CFAP206: variants seen among roughly 807,000 people sequenced by gnomAD.
CFAP206 encodes the protein cilia and flagella associated protein 206.
Under a neutral mutation model 65.4 loss-of-function variants are expected in CFAP206, and 53 were observed. The ratio of observed to expected loss-of-function variants is 0.81; its 90% CI spans 0.65 to 1.02. CFAP206 has a LOEUF of 1.02. CFAP206 is among the 50% of genes least tolerant of loss of function. CFAP206 has a pLI of 0.00. For synonymous variants in CFAP206, 250 were observed against 254.4 expected, an observed-to-expected ratio of 0.98 and a Z score of 0.17; for missense variants, 663 against 753.2, an observed-to-expected ratio of 0.88 and a Z score of 1.40.
chr6:87,410,518 T>C (rs1400189516), intron 2 of CFAP206, 67 bp from the exon 3 acceptor site: 2 of 1,153,246 alleles, frequency 1.7e-6, no homozygotes, highest in Non-Finnish European at 1.3e-6. Flanking sequence ...ATTAAGCTAA[T>C]AATATGAAAT....
At chr6:87,428,920 A>G in intron 9 of CFAP206, 96 bp downstream of exon 9, 1 of 1,201,492 alleles carries the variant, frequency 8.3e-7, no homozygotes, top group Non-Finnish European at 1.2e-6. Flanking sequence ...TTTCTGATAA[A>G]GCATTAAACA....
chr6:87,433,172 T>C (rs148538251), intron 10 of CFAP206, among the ~76,000 whole-genome samples: 84 of 152,338 alleles, frequency 5.5e-4, no homozygotes, highest in African/African-American at 1.9e-3. Context: ...TATTCAGCCT[T>C]CCCTAATCAC....
intron 9 of CFAP206, 147 bp downstream of exon 9, chr6:87,428,971 T>TACA: frequency 1.2e-6 from 1 of 834,518 alleles, no homozygotes; most frequent in Non-Finnish European, 1.9e-6. Context: ...CCGGGTGTGG[T>TACA]GGCTCACGCC....
chr6:87,460,064 A>C (rs1231638230), intron 11 of CFAP206, among the ~76,000 whole-genome samples: 1 of 152,198 alleles, frequency 6.6e-6, no homozygotes, highest in African/African-American at 2.4e-5. Flanking sequence ...TCATAAGATA[A>C]TTTTATAGTC....
At chr6:87,429,064 A>G (rs576028047) in intron 9 of CFAP206, among the ~76,000 whole-genome samples, 13 of 152,186 alleles carry the variant, frequency 8.5e-5, no homozygotes, top group Middle Eastern at 3.4e-3. Context: ...CGTCTCTACT[A>G]AAAATACAAA....
chr6:87,455,565 T>A (rs1768623470), intron 11 of CFAP206, among the ~76,000 whole-genome samples: 1 of 152,040 alleles, frequency 6.6e-6, no homozygotes, highest in South Asian at 2.1e-4. Flanking sequence ...GAAAAGGTAC[T>A]TTTTTTAAGA....
Position 87,461,126 on chromosome 6 carries a change from G to A in CFAP206, c.1599G>A (p.Glu533=), listed in dbSNP as rs144348129. The A allele has an allele frequency of 4.8e-4, 765 of 1,579,260 alleles. 1 individual carries two copies. In the African/African-American group the frequency reaches 8.7e-3, roughly 18 times the overall value. Residue 533 remains glutamate (E), a synonymous_variant, in exon 12 of 13, where the codon GAG becomes GAA. Coordinates refer to ENST00000369562, the MANE Select transcript of CFAP206 (RefSeq NM_001031743.3). ...CACCAACGATTGTGAGATCATATGA[G>A]TGGAATGAATGGGAATTAAGAAGAA... ...ILPPTIVRSY[E]WNEWELRRKA... is the part of the protein sequence containing the mutation.
At chr6:87,458,147 C>T (rs926677483) in intron 11 of CFAP206, among the ~76,000 whole-genome samples, 1 of 152,082 alleles carries the variant, frequency 6.6e-6, no homozygotes, top group African/African-American at 2.4e-5. Flanking sequence ...GTTAAAATGG[C>T]TTATATCAAA....
Position 87,435,147 on chromosome 6 carries a change from A to G in CFAP206, c.1494+94A>G, listed in dbSNP as rs187154239. The G allele has an allele frequency of 4.5e-6, 4 of 883,898 alleles. No individual in the cohort carries two copies. In the African/African-American group the frequency reaches 6.8e-5, roughly 15 times the overall value. 54.8% of individuals were successfully genotyped at this position (883,898 alleles called of 1,614,324 possible). ...GTTGTAGAATGCTTCCCAGGTCCAC[A>G]CAGAGAGAGTCAGATGAGGGTCTTT... On this transcript the variant is annotated intron_variant, in intron 11 of 12. Transcript: ENST00000369562.
At position 87,418,412 on chromosome 6, in the gene CFAP206, T is replaced by C; in HGVS notation, c.836T>C (p.Ile279Thr). 1.2e-6 allele frequency: 2 copies of C among 1,613,732 alleles called. No homozygotes were observed. Among genetic ancestry groups the C allele is most frequent in the African/African-American group, 2.7e-5 (2 of 75,032 alleles). ...CAATATGAGGTCTTCCTTCAGATCA[T>C]TTTGGTGAGTTAAGTTCATAAGACC... Reference protein sequence around the residue: ...IRQYEVFLQIILSDIITGAQE... With the variant: ...IRQYEVFLQITLSDIITGAQE... The change falls in exon 7 of 13, where the codon ATT becomes ACT. Residue 279 changes from isoleucine to threonine, a missense_variant. By Grantham distance (89) the Ile-to-Thr change is moderately conservative. Coordinates refer to ENST00000369562, the MANE Select transcript of CFAP206 (RefSeq NM_001031743.3).
intron 6 of CFAP206, among the ~76,000 whole-genome samples, chr6:87,417,990 G>C (rs541995858): frequency 6.6e-6 from 1 of 151,620 alleles, no homozygotes; most frequent in South Asian, 2.1e-4. Flanking sequence ...CGCCCGCCTC[G>C]GCCTCCCAAA....
At chr6:87,423,501 C>T (rs550469411) in intron 7 of CFAP206, among the ~76,000 whole-genome samples, 3 of 145,780 alleles carry the variant, frequency 2.1e-5, no homozygotes, top group Admixed American at 2.1e-4. Context: ...CACCCGCCTC[C>T]GCCTCCCAAA....
At chr6:87,411,104 A>G (rs1767728151) in intron 3 of CFAP206, among the ~76,000 whole-genome samples, 2 of 152,212 alleles carry the variant, frequency 1.3e-5, no homozygotes, top group African/African-American at 4.8e-5. Flanking sequence ...TCCTTGCCCC[A>G]ATCCAAATTG....
chr6:87,439,414 T>C (rs956903385), intron 11 of CFAP206, among the ~76,000 whole-genome samples: 1 of 152,166 alleles, frequency 6.6e-6, no homozygotes, highest in African/African-American at 2.4e-5. Flanking sequence ...TTTCTCTTTA[T>C]CTTAGTGATT....
intron 11 of CFAP206, among the ~76,000 whole-genome samples, chr6:87,442,644 A>G (rs1174221109): frequency 2.0e-5 from 3 of 152,068 alleles, no homozygotes; most frequent in Non-Finnish European, 4.4e-5. Context: ...TTATTAGGTT[A>G]AGGGTTTCCT....
intron 10 of CFAP206, among the ~76,000 whole-genome samples, chr6:87,434,380 G>C: frequency 6.9e-6 from 1 of 145,068 alleles, no homozygotes; most frequent in Non-Finnish European, 1.5e-5. Context: ...AGGTTGATAA[G>C]ACGCAGTCTT....
intron 6 of CFAP206, among the ~76,000 whole-genome samples, chr6:87,417,579 A>G (rs1348819427): frequency 6.6e-6 from 1 of 150,472 alleles, no homozygotes; most frequent in Non-Finnish European, 1.5e-5. Flanking sequence ...TAATAACTAG[A>G]AAAGAAGATA....
At chr6:87,415,547 T>A in intron 4 of CFAP206, 139 bp from the exon 5 acceptor site, 1 of 825,788 alleles carries the variant, frequency 1.2e-6, no homozygotes, top group South Asian at 1.4e-5. Flanking sequence ...CACTGTTTTT[T>A]ATTTCATTAT....
chr6:87,427,744 T>C (rs541279293), intron 8 of CFAP206, among the ~76,000 whole-genome samples: 1 of 152,270 alleles, frequency 6.6e-6, no homozygotes, highest in Non-Finnish European at 1.5e-5. Context: ...ATATTTAGCT[T>C]TTTAATTTAT....
Sources: gnomAD v4.1 joint callset for allele counts (sites outside exome capture counted in the v4.1 genomes callset) on GRCh38, gnomAD v4.1.1 for gene constraint, MANE v1.5 for transcripts, NCBI Gene and HGNC (gene_info 2026-07-23, HGNC 2026-07-21) for gene names.